CD72: variants seen among roughly 807,000 people sequenced by gnomAD.
CD72 encodes B-cell differentiation antigen CD72.
CD72 carries 28 observed loss-of-function variants against 50.7 expected under a neutral mutation model. The observed-to-expected ratio is 0.55, with a 90% CI of 0.41 to 0.76. The LOEUF is 0.76. Among genes scored for constraint, CD72 ranks in the 30% least tolerant of loss-of-function variants. CD72 has a pLI of 0.00. For missense variants in CD72, 403 were observed against 420.6 expected, an observed-to-expected ratio of 0.96 and a Z score of 0.37; for synonymous variants, 176 against 171.2, an observed-to-expected ratio of 1.03 and a Z score of -0.22.
chr9:35,637,798 T>G (rs1010661119), intron 1 of CD72, among the ~76,000 whole-genome samples: 4 of 152,076 alleles, frequency 2.6e-5, no homozygotes, highest in African/African-American at 9.7e-5. Flanking sequence ...GCAAGTCAAT[T>G]GTGGGGACGC....
chr9:35,644,901 CAAAAAA>C (rs527855881), intron 1 of CD72, among the ~76,000 whole-genome samples: 1 of 106,988 alleles, frequency 9.3e-6, no homozygotes. Context: ...TGACTGAAGC[CAAAAAA>C]AAAAAAAAAA....
intron 1 of CD72, among the ~76,000 whole-genome samples, chr9:35,639,024 C>CTT (rs111373051): frequency 7.1e-6 from 1 of 140,988 alleles, no homozygotes; most frequent in Non-Finnish European, 1.6e-5. Context: ...CCGCCTTATT[C>CTT]TTTTTTTTTT....
upstream of CD72, chr9:35,619,458 A>G (rs1004037058): frequency 6.6e-5 from 10 of 152,354 alleles, no homozygotes; most frequent in Admixed American, 5.2e-4. Context: ...CGCCCCGCAG[A>G]ATCCCCCTCC....
intron 5 of CD72, 49 bp from the exon 6 acceptor site, chr9:35,613,042 A>T: frequency 6.7e-7 from 1 of 1,501,192 alleles, no homozygotes; most frequent in Non-Finnish European, 9.1e-7. Flanking sequence ...GATGAAAGTG[A>T]CTACTCAGCA....
intron 1 of CD72, among the ~76,000 whole-genome samples, chr9:35,627,013 T>C (rs1823201614): frequency 6.6e-6 from 1 of 152,126 alleles, no homozygotes; most frequent in Admixed American, 6.5e-5. Context: ...AATCTTTTTG[T>C]ATTTTTAGTA....
At chr9:35,617,953 T>C (rs1823093313) in intron 2 of CD72, 61 bp downstream of exon 2, 1 of 969,306 alleles carries the variant, frequency 1.0e-6, no homozygotes, top group Non-Finnish European at 1.7e-6. Context: ...AAAAACATTG[T>C]GGACTCCCCA....
chr9:35,615,494 C>T (rs1823050279), intron 5 of CD72, among the ~76,000 whole-genome samples: 1 of 152,144 alleles, frequency 6.6e-6, no homozygotes, highest in Non-Finnish European at 1.5e-5. Flanking sequence ...CACTGCCTTG[C>T]CCCACCACCA....
intron 1 of CD72, among the ~76,000 whole-genome samples, chr9:35,627,550 T>C (rs1823207565): frequency 6.6e-6 from 1 of 152,180 alleles, no homozygotes; most frequent in Non-Finnish European, 1.5e-5. Context: ...AGGGGATTCA[T>C]GGGTGCCCCT....
At chr9:35,618,186 G>C in intron 1 of CD72, 36 bp downstream of exon 1, 1 of 1,607,802 alleles carries the variant, frequency 6.2e-7, no homozygotes, top group Non-Finnish European at 8.5e-7. Flanking sequence ...CGGGAAGTGG[G>C]GATGCAGGAT....
chr9:35,623,824 G>C (rs140972914), upstream of CD72, among the ~76,000 whole-genome samples: 5,578 of 152,248 alleles, frequency 0.037, 108 homozygotes, highest in Non-Finnish European at 0.044. Context: ...TGAGGCAAGA[G>C]AATAGCTTGA....
chr9:35,619,895 G>GT (rs1823128932), upstream of CD72, among the ~76,000 whole-genome samples: 3 of 152,272 alleles, frequency 2.0e-5, no homozygotes, highest in Admixed American at 2.0e-4. Context: ...GAAGCTCACT[G>GT]TTTCCTAAGG....
At chr9:35,633,646 T>C (rs1399553722) in intron 1 of CD72, among the ~76,000 whole-genome samples, 3 of 152,144 alleles carry the variant, frequency 2.0e-5, no homozygotes, top group Non-Finnish European at 4.4e-5. Flanking sequence ...AACCTTCCTA[T>C]CTCTCCCAAA....
At position 35,610,078 on chromosome 9, in the gene CD72, G is replaced by T; in HGVS notation, c.*245C>A. ...CTCCTCCCCCACCCCATTCTACCAT[G>T]GGAAGTTCTTGGGGGGAGGCCAAAG... On this transcript the variant is annotated 3_prime_UTR_variant, in exon 9 of 9. Transcript: ENST00000259633. 1 of 279,962 alleles carries T rather than the reference G, an allele frequency of 3.6e-6. No homozygotes were observed. Among genetic ancestry groups the T allele is most frequent in the East Asian group, 7.3e-5 (1 of 13,772 alleles). 17.3% of individuals were successfully genotyped at this position (279,962 alleles called of 1,614,324 possible).
Position 35,618,232 on chromosome 9 carries a change from C to T in CD72, c.72G>A (p.Arg24=). Residue 24 remains arginine, a synonymous_variant, in exon 1 of 9, where the codon CGG becomes CGA. Transcript: ENST00000259633. ...CCTCATCCCCCTTACCCTGTCCTAACCGGCTGGAGATGCTCTTCTTCAGGG... is the reference window on the plus strand; with the variant it reads ...CCTCATCCCCCTTACCCTGTCCTAATCGGCTGGAGATGCTCTTCTTCAGGG... ...KAPLKKSISS[R]LGQDPGADDD... The T allele has an allele frequency of 6.2e-7, 1 of 1,614,128 alleles. No individual in the cohort carries two copies. Among genetic ancestry groups the T allele is most frequent in the Non-Finnish European group, 8.5e-7 (1 of 1,179,954 alleles).
intron 3 of CD72, 42 bp from the exon 4 acceptor site, chr9:35,616,731 T>A: frequency 1.3e-6 from 2 of 1,507,916 alleles, no homozygotes; most frequent in Admixed American, 1.7e-5. Flanking sequence ...TCAGCCCCCG[T>A]AAAGAATGTA....
intron 5 of CD72, among the ~76,000 whole-genome samples, chr9:35,613,634 C>G (rs1823021322): frequency 6.6e-6 from 1 of 152,214 alleles, no homozygotes. Context: ...AGCTCCCTCT[C>G]TTCTCTCTAC....
intron 1 of CD72, among the ~76,000 whole-genome samples, chr9:35,639,247 C>A (rs1016503983): frequency 2.0e-5 from 3 of 151,966 alleles, no homozygotes; most frequent in African/African-American, 7.3e-5. Flanking sequence ...GGGTTAAGCA[C>A]CCTTAGGGCA....
intron 5 of CD72, among the ~76,000 whole-genome samples, chr9:35,613,983 A>C (rs1823030889): frequency 6.6e-6 from 1 of 151,464 alleles, no homozygotes; most frequent in Admixed American, 6.6e-5. Context: ...CCAGCCTGGG[A>C]GTGCACTTCA....
intron 1 of CD72, among the ~76,000 whole-genome samples, chr9:35,640,160 T>C (rs1823325808): frequency 6.6e-6 from 1 of 152,382 alleles, no homozygotes. Flanking sequence ...ACTGACCATC[T>C]ACAGTTAGTG....
Sources: gnomAD v4.1 joint callset for allele counts (sites outside exome capture counted in the v4.1 genomes callset) on GRCh38, gnomAD v4.1.1 for gene constraint, MANE v1.5 for transcripts, NCBI Gene and HGNC (gene_info 2026-07-23, HGNC 2026-07-21) for gene names.